Variants in ITPR2 observed in about 807,000 individuals in gnomAD.
The protein encoded by ITPR2 is inositol 1,4,5-trisphosphate-gated calcium channel ITPR2.
Under a neutral mutation model 317.1 loss-of-function variants are expected in ITPR2, and 207 were observed. The ratio of observed to expected loss-of-function variants is 0.65; its 90% CI spans 0.58 to 0.73. ITPR2 has a LOEUF of 0.73. Ranked by LOEUF, ITPR2 falls within the 30% of genes least tolerant of loss-of-function variation. ITPR2 has a pLI of 0.00. For synonymous variants in ITPR2, 1,156 were observed against 1,149.1 expected, an observed-to-expected ratio of 1.01 and a Z score of -0.12; for missense variants, 2,613 against 3,284.0, an observed-to-expected ratio of 0.80 and a Z score of 4.99.
intron 2 of ITPR2, among the ~76,000 whole-genome samples, chr12:26,765,791 T>A (rs1949710281): frequency 6.6e-6 from 1 of 152,148 alleles, no homozygotes; most frequent in African/African-American, 2.4e-5. Context: ...ACTTACTGCC[T>A]CTCTTTACCT....
At chr12:26,397,751 C>T (rs1262552747) in intron 54 of ITPR2, among the ~76,000 whole-genome samples, 1 of 152,144 alleles carries the variant, frequency 6.6e-6, no homozygotes, top group Non-Finnish European at 1.5e-5. Flanking sequence ...GTATTGAGGA[C>T]CCAATTTGTT....
At chr12:26,541,127 G>A (rs1944246352) in intron 37 of ITPR2, among the ~76,000 whole-genome samples, 1 of 134,958 alleles carries the variant, frequency 7.4e-6, no homozygotes, top group Non-Finnish European at 1.6e-5. Flanking sequence ...GGTCAACATG[G>A]TGAAACCCCA....
chr12:26,768,901 A>G (rs942378203), intron 2 of ITPR2, among the ~76,000 whole-genome samples: 1 of 151,842 alleles, frequency 6.6e-6, no homozygotes, highest in African/African-American at 2.4e-5. Context: ...TACTTCCAAG[A>G]TAGGACACTC....
At chr12:26,821,706 C>T (rs1277845128) in intron 1 of ITPR2, among the ~76,000 whole-genome samples, 1 of 152,206 alleles carries the variant, frequency 6.6e-6, no homozygotes, top group African/African-American at 2.4e-5. Context: ...ATCCAAGTAT[C>T]CCCTGCTTTC....
intron 2 of ITPR2, among the ~76,000 whole-genome samples, chr12:26,753,107 G>A (rs1477064461): frequency 6.6e-6 from 1 of 152,098 alleles, no homozygotes; most frequent in Non-Finnish European, 1.5e-5. Flanking sequence ...CCCAACTTAG[G>A]GGAATTAGAG....
chr12:26,641,773 A>G (rs938441797), intron 21 of ITPR2, among the ~76,000 whole-genome samples: 1 of 152,180 alleles, frequency 6.6e-6, no homozygotes. Context: ...TTTGATTTTT[A>G]AAAGGAACAT....
intron 37 of ITPR2, among the ~76,000 whole-genome samples, chr12:26,540,005 T>C (rs1202705492): frequency 6.6e-6 from 1 of 152,338 alleles, no homozygotes; most frequent in East Asian, 1.9e-4. Context: ...ATTCTAGACA[T>C]AGAAATACTT....
rs1259622363 is a variant in ITPR2 at position 26,597,056 on chromosome 12, A to T, written c.4081T>A (p.Ser1361Thr). The T allele has an allele frequency of 6.2e-7, 1 of 1,614,140 alleles. No individual in the cohort carries two copies. The highest frequency in any genetic ancestry group is 1.3e-5 in the African/African-American group (1 of 75,048). ...CTCTCATCCCCTCGGTCTCTCTCTGAACACATCATATGGAGAAGGATTGGA... is the reference window on the plus strand; with the variant it reads ...CTCTCATCCCCTCGGTCTCTCTCTGTACACATCATATGGAGAAGGATTGGA... ...SFPILLHMMC[S>T]ERDRGDESGP... is the part of the protein sequence containing the mutation. The change falls in exon 31 of 57, where the codon TCA (serine) becomes ACA (threonine). Residue 1361 changes from serine (S) to threonine (T), a missense_variant. Coordinates refer to ENST00000381340, the MANE Select transcript of ITPR2 (RefSeq NM_002223.4).
At chr12:26,684,575 A>T (rs753884100) in intron 11 of ITPR2, among the ~76,000 whole-genome samples, 1 of 152,226 alleles carries the variant, frequency 6.6e-6, no homozygotes, top group Non-Finnish European at 1.5e-5. Flanking sequence ...GTTATTAAGC[A>T]TTAATTAATG....
In ITPR2 at chr12:26,567,988, ATATATATATTATATATATTATATATATAT is replaced by A. The variant is rs1372992515; in HGVS notation, c.4631-6065_4631-6037del. 1.8e-4 allele frequency among the ~76,000 whole-genome samples: 20 copies of A among 111,858 alleles called. 1 individual carries two copies. The highest frequency in any genetic ancestry group is 6.9e-4 in the African/African-American group (18 of 25,958). The allele number at this position is 111,858 out of a possible 152,430, so 73.4% of individuals were successfully genotyped here. A position where few individuals can be genotyped will look rare whatever the true frequency, so the allele number is the denominator to read the frequency against. On this transcript the variant is annotated intron_variant, in intron 34 of 56. Transcript: ENST00000381340. ...TATATATTATATATATTATATATAT[ATATATATATTATATATATTATATATATAT>A]ATATATATATATATAAAATGTCAAA...
chr12:26,782,801 A>T (rs1950120150), intron 2 of ITPR2, among the ~76,000 whole-genome samples: 1 of 152,254 alleles, frequency 6.6e-6, no homozygotes, highest in Admixed American at 6.5e-5. Flanking sequence ...TTGATTTCAA[A>T]TCTGAAATAG....
chr12:26,477,613 G>A (rs149206860), intron 43 of ITPR2, among the ~76,000 whole-genome samples: 1 of 152,046 alleles, frequency 6.6e-6, no homozygotes, highest in Admixed American at 6.6e-5. Context: ...GGTTGTGAAA[G>A]AATATCTTCT....
chr12:26,423,550 G>A (rs555193260), intron 49 of ITPR2, among the ~76,000 whole-genome samples: 5 of 152,068 alleles, frequency 3.3e-5, no homozygotes, highest in Non-Finnish European at 7.4e-5. Flanking sequence ...TTACTACATT[G>A]TTATTTATTT....
chr12:26,444,166 T>C (rs2136741642), intron 45 of ITPR2, among the ~76,000 whole-genome samples: 1 of 152,272 alleles, frequency 6.6e-6, no homozygotes, highest in Non-Finnish European at 1.5e-5. Context: ...GTATAGATCT[T>C]GATTTTATTG....
intron 54 of ITPR2, among the ~76,000 whole-genome samples, chr12:26,398,057 GGTGTGT>G (rs35660888): frequency 0.095 from 12,867 of 134,978 alleles, 642 homozygotes; most frequent in African/African-American, 0.15. Context: ...GGAGGGGAGT[GGTGTGT>G]GTGTGTGTGT....
At chr12:26,661,274 GT>G (rs59051588) in intron 15 of ITPR2, among the ~76,000 whole-genome samples, 8,214 of 35,184 alleles carry the variant, frequency 0.23, 804 homozygotes, top group Non-Finnish European at 0.25. Flanking sequence ...GGGTGTGTGT[GT>G]GGGGGGGGGG....
At chr12:26,622,536 TTTTC>T (rs1946523805) in intron 24 of ITPR2, 131 bp from the exon 25 acceptor site, 3 of 648,458 alleles carry the variant, frequency 4.6e-6, no homozygotes, top group South Asian at 5.6e-5. Context: ...CAGGAAAACA[TTTTC>T]TTTGTTTTCC....
At chr12:26,707,150 G>A (rs1412879527) in intron 9 of ITPR2, among the ~76,000 whole-genome samples, 2 of 152,306 alleles carry the variant, frequency 1.3e-5, no homozygotes, top group South Asian at 2.1e-4. Flanking sequence ...TGAAGGCAAA[G>A]ACTGAGTCCT....
At chr12:26,495,481 T>C in intron 37 of ITPR2, 1 of 461,100 alleles carries the variant, frequency 2.2e-6, no homozygotes, top group Admixed American at 3.8e-5. Context: ...GAGAAGCTTT[T>C]TGGAGGTGAC....
Sources: allele counts gnomAD v4.1 joint callset (sites outside exome capture counted in the v4.1 genomes callset), GRCh38; gene constraint gnomAD v4.1.1; transcripts MANE v1.5; gene names NCBI Gene and HGNC (gene_info 2026-07-23, HGNC 2026-07-21).